PTPRD: variants seen among roughly 807,000 people sequenced by gnomAD.
The protein encoded by PTPRD is receptor-type tyrosine-protein phosphatase delta.
PTPRD carries 34 observed loss-of-function variants against 214.5 expected under a neutral mutation model. The ratio of observed to expected loss-of-function variants is 0.16; its 90% confidence interval spans 0.12 to 0.21. The LOEUF (loss-of-function observed/expected upper bound fraction) is 0.21. Among genes scored for constraint, PTPRD ranks in the 10% least tolerant of loss-of-function variants. The probability of loss-of-function intolerance (pLI) is 1.00; values close to 1 mark genes in which losing one functional copy is unlikely to be tolerated. For missense variants in PTPRD, 2,545 were observed against 2,398.7 expected, an observed-to-expected ratio of 1.06 and a Z score of -1.27; for synonymous variants, 1,128 against 845.7, an observed-to-expected ratio of 1.33 and a Z score of -5.79.
At chr9:8,613,719 T>C (rs951629824) in intron 14 of PTPRD, among the ~76,000 whole-genome samples, 4 of 152,134 alleles carry the variant, frequency 2.6e-5, no homozygotes, top group Admixed American at 6.5e-5. Context: ...GATTTGGCTG[T>C]CTGCATGAAC....
chr9:8,418,219 C>CTTTTTTTTTTTTTTTTTTTT (rs370640821), intron 35 of PTPRD, among the ~76,000 whole-genome samples: 1 of 150,188 alleles, frequency 6.7e-6, no homozygotes. Flanking sequence ...CTTTCTTATC[C>CTTTTTTTTTTTTTTTTTTTT]TTTTCTTTTT....
At chr9:9,339,867 C>A (rs1381732152) in intron 9 of PTPRD, among the ~76,000 whole-genome samples, 1 of 152,102 alleles carries the variant, frequency 6.6e-6, no homozygotes, top group African/African-American at 2.4e-5. Flanking sequence ...TATAATAACA[C>A]CATTGGTTTT....
intron 5 of PTPRD, among the ~76,000 whole-genome samples, chr9:9,928,785 C>T (rs1602502677): frequency 6.6e-6 from 1 of 151,872 alleles, no homozygotes; most frequent in Non-Finnish European, 1.5e-5. Context: ...CACACACACA[C>T]ACAATTTGCA....
intron 11 of PTPRD, among the ~76,000 whole-genome samples, chr9:8,932,686 C>G (rs562309868): frequency 1.3e-5 from 2 of 152,258 alleles, no homozygotes; most frequent in East Asian, 3.9e-4. Flanking sequence ...GGAAAACCAC[C>G]TACTCAAACC....
intron 4 of PTPRD, among the ~76,000 whole-genome samples, chr9:9,977,115 G>A (rs1587970713): frequency 6.6e-6 from 1 of 152,258 alleles, no homozygotes; most frequent in East Asian, 1.9e-4. Context: ...AGAGCATTAT[G>A]TTAAGTTTTA....
intron 12 of PTPRD, among the ~76,000 whole-genome samples, chr9:8,725,349 G>C (rs949018552): frequency 6.6e-6 from 1 of 152,074 alleles, no homozygotes; most frequent in African/African-American, 2.4e-5. Context: ...GGATCATATT[G>C]CTTTTAATCC....
chr9:9,104,342 T>G (rs1030723709), intron 10 of PTPRD, among the ~76,000 whole-genome samples: 1 of 152,152 alleles, frequency 6.6e-6, no homozygotes, highest in Non-Finnish European at 1.5e-5. Flanking sequence ...AATGTAAAAA[T>G]CATTTTTAGA....
intron 2 of PTPRD, among the ~76,000 whole-genome samples, chr9:10,482,908 T>C (rs761621498): frequency 1.3e-5 from 2 of 152,072 alleles, no homozygotes; most frequent in Non-Finnish European, 2.9e-5. Flanking sequence ...AATAACAACA[T>C]GATTCTTTAC....
At chr9:8,568,366 G>A (rs1180759804) in intron 14 of PTPRD, among the ~76,000 whole-genome samples, 1 of 152,004 alleles carries the variant, frequency 6.6e-6, no homozygotes, top group Admixed American at 6.6e-5. Context: ...CAATGTGACA[G>A]CAACTTACAC....
chr9:10,396,736 A>AT (rs1463122886), intron 2 of PTPRD, among the ~76,000 whole-genome samples: 6 of 152,032 alleles, frequency 3.9e-5, no homozygotes, highest in Non-Finnish European at 8.8e-5. Context: ...GGAAGTATAC[A>AT]TAACAATTGC....
At chr9:8,386,772 A>G (rs2087232789) in intron 37 of PTPRD, among the ~76,000 whole-genome samples, 1 of 152,198 alleles carries the variant, frequency 6.6e-6, no homozygotes, top group African/African-American at 2.4e-5. Context: ...CTTGTTTGGG[A>G]ATCCAGGAAT....
At chr9:9,685,451 ATTACTT>A (rs1564535009) in intron 7 of PTPRD, among the ~76,000 whole-genome samples, 1 of 151,394 alleles carries the variant, frequency 6.6e-6, no homozygotes, top group Non-Finnish European at 1.5e-5. Context: ...GGAATAAACT[ATTACTT>A]TTACATTTCA....
intron 14 of PTPRD, among the ~76,000 whole-genome samples, chr9:8,629,303 A>G (rs2096166488): frequency 6.6e-6 from 1 of 151,844 alleles, no homozygotes; most frequent in African/African-American, 2.4e-5. Flanking sequence ...AGAAAAGTCT[A>G]TGGATGGTGA....
At position 8,484,148 on chromosome 9, in the gene PTPRD, C is replaced by T. The variant is rs547752131; in HGVS notation, c.3384G>A (p.Leu1128=). 36 of 1,614,098 alleles carry T rather than the reference C, an allele frequency of 2.2e-5. No homozygotes were observed. Among genetic ancestry groups the T allele is most frequent in the African/African-American group, 1.2e-4 (9 of 75,040 alleles). The stretch of plus-strand genomic sequence containing the variant: ...TATTCTCATTTGCAGGTACTTCAGG[C>T]AGTTGCACAGTAATCATGCCATCCA... ...TNLDGMITVQ[L]PEVPANENIK... is the part of the protein sequence containing the mutation. The change falls in exon 30 of 46, where the codon CTG becomes CTA. Residue 1128 remains leucine, a synonymous_variant. Transcript: ENST00000381196.
chr9:9,222,949 A>G (rs2099957126), intron 9 of PTPRD, among the ~76,000 whole-genome samples: 1 of 152,114 alleles, frequency 6.6e-6, no homozygotes, highest in African/African-American at 2.4e-5. Context: ...TTGCATAATT[A>G]TTAGCTAAAC....
chr9:10,421,653 G>C (rs1185103855), intron 2 of PTPRD, among the ~76,000 whole-genome samples: 1 of 151,720 alleles, frequency 6.6e-6, no homozygotes, highest in African/African-American at 2.4e-5. Flanking sequence ...GGTATCATTT[G>C]ACATAGGCAA....
At chr9:9,195,764 A>G (rs1424238838) in intron 9 of PTPRD, among the ~76,000 whole-genome samples, 2 of 152,002 alleles carry the variant, frequency 1.3e-5, no homozygotes, top group Non-Finnish European at 1.5e-5. Context: ...AAGTATACAT[A>G]GGCTGTAAAT....
chr9:10,487,045 T>A (rs1445992247), intron 2 of PTPRD, among the ~76,000 whole-genome samples: 1 of 152,208 alleles, frequency 6.6e-6, no homozygotes, highest in African/African-American at 2.4e-5. Context: ...GACTTATTTA[T>A]CATTATATAC....
chr9:9,140,825 G>T (rs1475689447), intron 10 of PTPRD, among the ~76,000 whole-genome samples: 1 of 152,030 alleles, frequency 6.6e-6, no homozygotes, highest in Non-Finnish European at 1.5e-5. Context: ...TGATCTGCCC[G>T]CCTCAGCCTC....
Sources: allele counts gnomAD v4.1 joint callset (sites outside exome capture counted in the v4.1 genomes callset), GRCh38; gene constraint gnomAD v4.1.1; transcripts MANE v1.5; gene names NCBI Gene and HGNC (gene_info 2026-07-23, HGNC 2026-07-21).